The following GRPEL2 variants were observed in gnomAD, a reference collection of about 807,000 sequenced individuals.
GRPEL2 encodes grpE protein homolog 2, mitochondrial.
A neutral mutation model predicts 25.9 loss-of-function variants in GRPEL2; 18 were observed. The ratio of observed to expected loss-of-function variants is 0.70; its 90% CI spans 0.48 to 1.03. The LOEUF (loss-of-function observed/expected upper bound fraction) is 1.03. Ranked by LOEUF, GRPEL2 falls within the 50% of genes least tolerant of loss-of-function variation. The pLI is 0.00. For missense variants in GRPEL2, 247 were observed against 276.2 expected, an observed-to-expected ratio of 0.89 and a Z score of 0.75; for synonymous variants, 106 against 107.9, an observed-to-expected ratio of 0.98 and a Z score of 0.11.
intron 2 of GRPEL2, among the ~76,000 whole-genome samples, chr5:149,349,188 G>T (rs1319385924): frequency 6.6e-6 from 1 of 152,080 alleles, no homozygotes; most frequent in Admixed American, 6.5e-5. Context: ...TAGAGACAGG[G>T]TTTTACCATG....
rs147046476 is a variant in GRPEL2 at position 149,348,538 on chromosome 5, C to T, written c.231+113C>T. The T allele has an allele frequency of 8.9e-4, 751 of 843,156 alleles. 17 individuals are homozygous for T. The East Asian group carries it at 0.021, about 24-fold the overall frequency. The allele number at this position is 843,156 out of a possible 1,614,324, so 52.2% of individuals were successfully genotyped here. The stretch of plus-strand genomic sequence containing the variant: ...TTTTCTTTAATTGGCTCTTTATCTG[C>T]TACCCCTCATCCCTCCTCCACTCCT... On this transcript the variant is annotated intron_variant, in intron 2 of 3. Coordinates refer to ENST00000329271, the MANE Select transcript of GRPEL2 (RefSeq NM_152407.4).
At chr5:149,348,251 G>T (rs375681996) in intron 1 of GRPEL2, 21 bp from the exon 2 acceptor site, 380 of 1,576,370 alleles carry the variant, frequency 2.4e-4, no homozygotes, top group Non-Finnish European at 3.2e-4. Context: ...TTCATTATGT[G>T]CCACCTCCTT....
intron 1 of GRPEL2, 95 bp from the exon 2 acceptor site, chr5:149,348,177 A>C: frequency 8.8e-7 from 1 of 1,132,538 alleles, no homozygotes; most frequent in Non-Finnish European, 1.3e-6. Context: ...TTCTCCAGAG[A>C]TTCCATCTGG....
At position 149,354,411 on chromosome 5, in the gene GRPEL2, T is replaced by G. The variant is rs975503530; in HGVS notation, c.*3129T>G. 2.6e-5 allele frequency: 4 copies of G among 152,244 alleles called. No homozygotes were observed. Among genetic ancestry groups the G allele is most frequent in the Admixed American group, 6.5e-5 (1 of 15,286 alleles). The allele number at this position is 152,244 out of a possible 1,614,324, so 9.4% of individuals were successfully genotyped here. On this transcript the variant is annotated 3_prime_UTR_variant, in exon 4 of 4. Coordinates refer to ENST00000329271, the MANE Select transcript of GRPEL2 (RefSeq NM_152407.4). ...ATCAGGCAGTTGGGTATTGATATGT[T>G]ATTTGGTGCTCTCATTCATGGCAAA...
Position 149,350,933 on chromosome 5 carries a change from G to A in GRPEL2, c.329G>A (p.Cys110Tyr). 1.2e-6 allele frequency: 2 copies of A among 1,613,158 alleles called. No individual in the cohort carries two copies. The highest frequency in any genetic ancestry group is 1.7e-6 in the Non-Finnish European group (2 of 1,179,268). ...TTCTCTGCAGGAATCCAGAGTTTCT[G>A]TAAGGACTTGGTGGAGGTGGCTGAC... is the stretch of plus-strand genomic sequence containing the variant. ...DAKIFGIQSFCKDLVEVADIL... is the reference protein window; with the variant it reads ...DAKIFGIQSFYKDLVEVADIL... Residue 110 changes from cysteine (C) to tyrosine (Y), a missense_variant, in exon 4 of 4, where the codon TGT becomes TAT. Transcript: ENST00000329271.
Position 149,352,640 on chromosome 5 carries a change from A to G in GRPEL2, c.*1358A>G, listed in dbSNP as rs1358768193. 3.9e-5 allele frequency: 6 copies of G among 152,140 alleles called. No homozygotes were observed. The highest frequency in any genetic ancestry group is 5.9e-5 in the Non-Finnish European group (4 of 68,040). 9.4% of individuals were successfully genotyped at this position (152,140 alleles called of 1,614,324 possible). A position where few individuals can be genotyped will look rare whatever the true frequency, so the allele number is the denominator to read the frequency against. ...TGGTGTTCTGTAAAAGATTTGTCCA[A>G]TAAACGACTTAATGAATGATACATC... On this transcript the variant is annotated 3_prime_UTR_variant, in exon 4 of 4. Transcript: ENST00000329271.
At chr5:149,345,687 T>A in intron 1 of GRPEL2, 71 bp downstream of exon 1, 1 of 1,339,596 alleles carries the variant, frequency 7.5e-7, no homozygotes, top group Non-Finnish European at 1.0e-6. Context: ...GGGGTGGTTG[T>A]GGGCTGGAAG....
At chr5:149,345,665 A>G in intron 1 of GRPEL2, 49 bp downstream of exon 1, 1 of 1,450,940 alleles carries the variant, frequency 6.9e-7, no homozygotes, top group Non-Finnish European at 9.5e-7. Context: ...CTGAGGGGCT[A>G]GCGAGCCAGC....
chr5:149,349,761 T>C lies in GRPEL2; in HGVS notation c.313+26T>C, dbSNP rs200267116. ...GTGAGAGATTTATTTACAATAAAAATGTCTTTGGTTGGGCACAGTGGCTTA... is the reference window on the plus strand; with the variant it reads ...GTGAGAGATTTATTTACAATAAAAACGTCTTTGGTTGGGCACAGTGGCTTA... On this transcript the variant is annotated intron_variant, in intron 3 of 3. Transcript: ENST00000329271. The C allele has an allele frequency of 1.2e-5, 19 of 1,564,870 alleles. No individual in the cohort carries two copies. The Admixed American group carries it at 3.0e-4, about 25-fold the overall frequency.
At chr5:149,350,347 A>C (rs910613402) in intron 3 of GRPEL2, among the ~76,000 whole-genome samples, 7 of 152,232 alleles carry the variant, frequency 4.6e-5, no homozygotes, top group African/African-American at 1.7e-4. Context: ...TTTGTGGTCC[A>C]TCTCTAGCAA....
chr5:149,349,789 C>A lies in GRPEL2; in HGVS notation c.313+54C>A, dbSNP rs755086886. ...CTTTGGTTGGGCACAGTGGCTTATG[C>A]CTGTAATCCCAGCACTTTGAGAGTC... On this transcript the variant is annotated intron_variant, in intron 3 of 3. Coordinates refer to ENST00000329271, the MANE Select transcript of GRPEL2 (RefSeq NM_152407.4). 10 of 1,280,350 alleles carry A rather than the reference C, an allele frequency of 7.8e-6. No homozygotes were observed. In the African/African-American group the frequency reaches 8.9e-5, roughly 11 times the overall value. 79.3% of individuals were successfully genotyped at this position (1,280,350 alleles called of 1,614,324 possible).
intron 3 of GRPEL2, among the ~76,000 whole-genome samples, chr5:149,350,671 G>A (rs1391429916): frequency 6.6e-6 from 1 of 152,200 alleles, no homozygotes; most frequent in South Asian, 2.1e-4. Flanking sequence ...GTCTTACCTA[G>A]TTCTTGGGTT....
rs1414993487 is a variant in GRPEL2 at position 149,345,528 on chromosome 5, C to G, written c.-12C>G. The G allele has an allele frequency of 1.2e-6, 2 of 1,609,216 alleles. No homozygotes were observed. Among genetic ancestry groups the G allele is most frequent in the East Asian group, 2.2e-5 (1 of 44,666 alleles). On this transcript the variant is annotated 5_prime_UTR_variant, in exon 1 of 4. Transcript: ENST00000329271. The stretch of plus-strand genomic sequence containing the variant: ...AGTGCGCGTGCGCTGCCTCTCAGCC[C>G]AAATTGGAAACATGGCCGTACGGTC...
At position 149,345,635 on chromosome 5, in the gene GRPEL2, G is replaced by A. The variant is rs765027975; in HGVS notation, c.77+19G>A. 28 of 1,594,060 alleles carry A rather than the reference G, an allele frequency of 1.8e-5. 2 individuals carry two copies. The South Asian group carries it at 2.9e-4, about 17-fold the overall frequency. On this transcript the variant is annotated intron_variant, in intron 1 of 3. Transcript: ENST00000329271. ...AGAGCAAGTAAGCATTGCAGGCGGGGAGTCGGGAGCGTGAGGACTCTGAGG... is the reference window on the plus strand; with the variant it reads ...AGAGCAAGTAAGCATTGCAGGCGGGAAGTCGGGAGCGTGAGGACTCTGAGG...
chr5:149,345,659 G>GA, intron 1 of GRPEL2, 43 bp downstream of exon 1: 1 of 1,525,192 alleles, frequency 6.6e-7, no homozygotes, highest in Non-Finnish European at 8.9e-7. Flanking sequence ...AGGACTCTGA[G>GA]GGGCTAGCGA....
At position 149,350,970 on chromosome 5, in the gene GRPEL2, G is replaced by C; in HGVS notation, c.366G>C (p.Lys122Asn). Residue 122 changes from lysine (K) to asparagine (N), a missense_variant, in exon 4 of 4, where the codon AAG becomes AAC. Around this residue, in one of 2 missense-constraint regions of GRPEL2, gnomAD observed 122 missense variants for 169.2 expected, o/e 0.72. Coordinates refer to ENST00000329271, the MANE Select transcript of GRPEL2 (RefSeq NM_152407.4). ...DLVEVADILE[K>N]TTECISEESE... is the part of the protein sequence containing the mutation. Reference sequence around the variant, plus strand: ...TGGAGGTGGCTGACATTTTGGAGAAGACTACAGAGTGCATTTCTGAAGAAT... The same window carrying C: ...TGGAGGTGGCTGACATTTTGGAGAACACTACAGAGTGCATTTCTGAAGAAT... 6.2e-7 allele frequency: 1 copy of C among 1,614,140 alleles called. No individual in the cohort carries two copies. Among genetic ancestry groups the C allele is most frequent in the Non-Finnish European group, 8.5e-7 (1 of 1,179,948 alleles).
chr5:149,347,172 G>T (rs934126872), intron 1 of GRPEL2, among the ~76,000 whole-genome samples: 9 of 152,220 alleles, frequency 5.9e-5, no homozygotes, highest in African/African-American at 2.2e-4. Context: ...ATCACACACC[G>T]GATTATAATA....
intron 2 of GRPEL2, among the ~76,000 whole-genome samples, chr5:149,349,134 T>G (rs541121068): frequency 1.3e-5 from 2 of 152,262 alleles, no homozygotes; most frequent in South Asian, 4.2e-4. Context: ...TAGCTGGGAT[T>G]ACAGGTGCCT....
rs1327555676 is a variant in GRPEL2 at position 149,348,413 on chromosome 5, C to T, written c.219C>T (p.Val73=). 2 of 1,605,864 alleles carry T rather than the reference C, an allele frequency of 1.2e-6. No homozygotes were observed. Among genetic ancestry groups the T allele is most frequent in the Non-Finnish European group, 1.7e-6 (2 of 1,177,552 alleles). ...RVKAVKLEKE[V]QDLTVRYQRA... is the part of the protein sequence containing the mutation. ...AAGCTGTTAAACTGGAGAAAGAAGTCCAAGATTTAACAGTGAGTCAATTTT... is the reference window on the plus strand; with the variant it reads ...AAGCTGTTAAACTGGAGAAAGAAGTTCAAGATTTAACAGTGAGTCAATTTT... The change falls in exon 2 of 4, where the codon GTC becomes GTT. Residue 73 remains valine, a synonymous_variant. Transcript: ENST00000329271.
Sources: gnomAD v4.1 joint callset for allele counts (sites outside exome capture counted in the v4.1 genomes callset) on GRCh38, gnomAD v4.1.1 for gene constraint, gnomAD v4.1.1 regional missense constraint, MANE v1.5 for transcripts, NCBI Gene and HGNC (gene_info 2026-07-23, HGNC 2026-07-21) for gene names.